FUT9: variants seen among roughly 807,000 people sequenced by gnomAD.
FUT9 encodes the protein fucosyltransferase 9.
In FUT9, 15 loss-of-function variants were observed where a neutral mutation model predicts 29.7. That is an observed-to-expected ratio of 0.51 (90% confidence interval 0.34 to 0.78). The LOEUF (loss-of-function observed/expected upper bound fraction) is 0.78. Ranked by LOEUF, FUT9 falls within the 30% of genes least tolerant of loss-of-function variation. The pLI is 0.01. For synonymous variants in FUT9, 169 were observed against 153.7 expected (o/e 1.10, Z -0.74); for missense variants, 319 against 425.4 (o/e 0.75, Z 2.20).
intron 2 of FUT9, among the ~76,000 whole-genome samples, chr6:96,162,072 AT>A (rs1440486246): frequency 1.3e-5 from 2 of 151,930 alleles, no homozygotes; most frequent in Non-Finnish European, 1.5e-5. Flanking sequence ...TTCTGCTTAA[AT>A]TTTTCATCTG....
intron 1 of FUT9, among the ~76,000 whole-genome samples, chr6:96,030,061 C>A (rs1350405837): frequency 2.0e-5 from 3 of 151,576 alleles, no homozygotes; most frequent in African/African-American, 7.3e-5. Context: ...ATGACCAGAA[C>A]TCCTCTGTCT....
At chr6:96,175,448 CAG>C (rs758365454) in intron 2 of FUT9, among the ~76,000 whole-genome samples, 3 of 152,220 alleles carry the variant, frequency 2.0e-5, no homozygotes, top group South Asian at 2.1e-4. Flanking sequence ...TTGAAAGAAA[CAG>C]AGAAAAATTA....
chr6:96,099,706 A>G (rs1771555434), intron 1 of FUT9, among the ~76,000 whole-genome samples: 1 of 152,122 alleles, frequency 6.6e-6, no homozygotes, highest in Non-Finnish European at 1.5e-5. Context: ...TCATCATTTT[A>G]TGCCTGCCTT....
At chr6:96,185,857 A>C in intron 2 of FUT9, among the ~76,000 whole-genome samples, 1 of 152,104 alleles carries the variant, frequency 6.6e-6, no homozygotes, top group East Asian at 1.9e-4. Flanking sequence ...TTAGGAATGA[A>C]ATCAGAGCAA....
chr6:96,193,781 T>C (rs1773565647), intron 2 of FUT9, among the ~76,000 whole-genome samples: 1 of 152,090 alleles, frequency 6.6e-6, no homozygotes, highest in African/African-American at 2.4e-5. Flanking sequence ...CTATTCACAA[T>C]AGCAAAGACT....
chr6:96,044,228 T>C (rs1396652422), intron 1 of FUT9, among the ~76,000 whole-genome samples: 1 of 152,214 alleles, frequency 6.6e-6, no homozygotes, highest in Non-Finnish European at 1.5e-5. Context: ...TGCCTCTAAA[T>C]TGAAAGAGTG....
intron 2 of FUT9, among the ~76,000 whole-genome samples, chr6:96,126,646 T>C (rs950713568): frequency 6.6e-6 from 1 of 152,258 alleles, no homozygotes; most frequent in African/African-American, 2.4e-5. Flanking sequence ...AAGGATTCTC[T>C]GCCTCTGCGT....
chr6:96,070,259 C>T (rs1771035824), intron 1 of FUT9, among the ~76,000 whole-genome samples: 1 of 151,976 alleles, frequency 6.6e-6, no homozygotes, highest in South Asian at 2.1e-4. Context: ...GCTATTTGAA[C>T]AACATTGAAA....
In FUT9 at chr6:96,110,171, C is replaced by T. The variant is rs577255534; in HGVS notation, c.-97-3868C>T. ...ACTCTCAGTCAGTTCTTTCTCAGCT[C>T]TGTCTCTTCTAATGGCCTTGCTAAT... On this transcript the variant is annotated intron_variant, in intron 1 of 2. Coordinates refer to ENST00000302103, the MANE Select transcript of FUT9 (RefSeq NM_006581.4). Among the ~76,000 whole-genome samples, 13 of 152,266 alleles carry T rather than the reference C, an allele frequency of 8.5e-5. No individual in the cohort carries two copies. In the South Asian group the frequency reaches 2.1e-3, roughly 24 times the overall value.
chr6:96,194,080 C>T (rs1773574499), intron 2 of FUT9, among the ~76,000 whole-genome samples: 1 of 152,152 alleles, frequency 6.6e-6, no homozygotes, highest in South Asian at 2.1e-4. Context: ...GGAGGGATAG[C>T]ATTAGGAGAT....
intron 1 of FUT9, among the ~76,000 whole-genome samples, chr6:96,035,672 AAATAT>A (rs1770341816): frequency 7.8e-6 from 1 of 127,436 alleles, no homozygotes; most frequent in Non-Finnish European, 1.6e-5. Context: ...TATTATATTA[AAATAT>A]AATATTATAT....
chr6:96,209,228 T>C lies in FUT9; in HGVS notation c.*4993T>C, dbSNP rs1042510545. The C allele has an allele frequency of 1.2e-5, 2 of 166,878 alleles. No homozygotes were observed. 10.3% of individuals were successfully genotyped at this position (166,878 alleles called of 1,614,324 possible). On this transcript the variant is annotated 3_prime_UTR_variant, in exon 3 of 3. Coordinates refer to ENST00000302103, the MANE Select transcript of FUT9 (RefSeq NM_006581.4). ...TATGCATGAAATTCCTAATGGAATT[T>C]CAATGTCCATCTCAAAGTAATTTTT... is the stretch of plus-strand genomic sequence containing the variant.
intron 2 of FUT9, among the ~76,000 whole-genome samples, chr6:96,154,862 T>C (rs1772746292): frequency 6.6e-6 from 1 of 152,224 alleles, no homozygotes; most frequent in Non-Finnish European, 1.5e-5. Flanking sequence ...ACAACTCCTG[T>C]ATATGCAGAT....
chr6:96,053,264 T>C (rs1770704787), intron 1 of FUT9, among the ~76,000 whole-genome samples: 1 of 152,204 alleles, frequency 6.6e-6, no homozygotes, highest in Non-Finnish European at 1.5e-5. Context: ...GTCATTTCAC[T>C]TACTTTTGTA....
At chr6:96,202,299 C>T (rs2127991334) in intron 2 of FUT9, among the ~76,000 whole-genome samples, 1 of 152,126 alleles carries the variant, frequency 6.6e-6, no homozygotes, top group Non-Finnish European at 1.5e-5. Context: ...TGAAATATAG[C>T]CCTTTTTTGA....
rs1007539356 is a variant in FUT9, at chr6:96,205,481, T to C, written c.*1246T>C. The C allele has an allele frequency of 3.6e-5, 6 of 167,044 alleles. No homozygotes were observed. The highest frequency in any genetic ancestry group is 7.3e-5 in the Non-Finnish European group (5 of 68,110). 10.3% of individuals were successfully genotyped at this position (167,044 alleles called of 1,614,324 possible). ...TCCCATTTTGGTAATTATTCATACA[T>C]AGCACATATGACCATGATGTTCAGG... is the stretch of plus-strand genomic sequence containing the variant. On this transcript the variant is annotated 3_prime_UTR_variant, in exon 3 of 3. Coordinates refer to ENST00000302103, the MANE Select transcript of FUT9 (RefSeq NM_006581.4).
chr6:96,076,971 T>C (rs1771150304), intron 1 of FUT9, among the ~76,000 whole-genome samples: 2 of 152,164 alleles, frequency 1.3e-5, no homozygotes, highest in South Asian at 4.1e-4. Context: ...AAAATTTTTA[T>C]CAGAGCAATA....
chr6:96,201,531 G>T (rs945544894), intron 2 of FUT9, among the ~76,000 whole-genome samples: 1 of 151,496 alleles, frequency 6.6e-6, no homozygotes, highest in South Asian at 2.1e-4. Flanking sequence ...TGAGTTGACC[G>T]ATTTGTTAAT....
intron 2 of FUT9, among the ~76,000 whole-genome samples, chr6:96,201,210 C>A (rs1303431437): frequency 6.6e-6 from 1 of 151,836 alleles, no homozygotes; most frequent in Non-Finnish European, 1.5e-5. Flanking sequence ...ACTGCTGAAT[C>A]AGAATTTTTC....
Sources: gnomAD v4.1 joint callset for allele counts (sites outside exome capture counted in the v4.1 genomes callset) on GRCh38, gnomAD v4.1.1 for gene constraint, MANE v1.5 for transcripts, NCBI Gene and HGNC (gene_info 2026-07-23, HGNC 2026-07-21) for gene names.